Variants in PAK3 observed in about 807,000 individuals in gnomAD.
PAK3 encodes the protein serine/threonine-protein kinase PAK 3.
PAK3 carries 4 observed loss-of-function variants against 41.0 expected under a neutral mutation model. The observed-to-expected ratio is 0.10, with a 90% CI of 0.05 to 0.22. PAK3 has a LOEUF of 0.22. Ranked by LOEUF, PAK3 falls within the 10% of genes least tolerant of loss-of-function variation. PAK3 has a pLI of 1.00. For synonymous variants in PAK3, 146 were observed against 139.6 expected (o/e 1.05, Z -0.32); for missense variants, 205 against 409.9 (o/e 0.50, Z 4.32).
chrX:111,182,460 C>T (rs970231109), intron 11 of PAK3, among the ~76,000 whole-genome samples: 3 of 111,552 alleles, frequency 2.7e-5, no homozygotes, highest in South Asian at 3.7e-4. Context: ...CATCTGGCCC[C>T]AGCTACATTC....
rs376714308 is a variant in PAK3, at chrX:111,142,184, C to T, written c.264C>T (p.Thr88=). The part of the protein sequence containing the change: ...HTIHVGFDAV[T]GEFTGIPEQW... ...TTCATGTGGGGTTTGATGCAGTCAC[C>T]GGGGAATTCACTGTAAGTAAGCTCC... The change falls in exon 6 of 18, where the codon ACC becomes ACT. Residue 88 remains threonine (T), a synonymous_variant. Transcript: ENST00000372007. 55 of 1,108,491 alleles carry T rather than the reference C, an allele frequency of 5.0e-5. No homozygotes were observed. The highest frequency in any genetic ancestry group is 3.3e-4 in the East Asian group (11 of 33,382). 91.4% of individuals were successfully genotyped at this position (1,108,491 alleles called of 1,213,427 possible). A position where few individuals can be genotyped will look rare whatever the true frequency, so the allele number is the denominator to read the frequency against.
At chrX:111,046,725 A>C (rs1230661221) in intron 1 of PAK3, among the ~76,000 whole-genome samples, 1 of 111,953 alleles carries the variant, frequency 8.9e-6, no homozygotes, top group African/African-American at 3.2e-5. Flanking sequence ...GAAAAATAAG[A>C]TAGTATGTGC....
intron 1 of PAK3, among the ~76,000 whole-genome samples, chrX:110,974,913 C>A (rs968564660): frequency 1.8e-5 from 2 of 111,679 alleles, no homozygotes; most frequent in Admixed American, 1.9e-4. Flanking sequence ...TTCAACAGCA[C>A]TTCATGCTAA....
chrX:110,968,475 A>G (rs1354594290), intron 1 of PAK3, among the ~76,000 whole-genome samples: 1 of 112,654 alleles, frequency 8.9e-6, no homozygotes, highest in Non-Finnish European at 1.9e-5. Flanking sequence ...ATTTCTCTAC[A>G]TCTTTGCCAA....
At chrX:111,042,814 G>T (rs2092464289) in intron 1 of PAK3, among the ~76,000 whole-genome samples, 1 of 111,895 alleles carries the variant, frequency 8.9e-6, no homozygotes. Flanking sequence ...CACTTCCCAG[G>T]TCTTAGCAAA....
intron 1 of PAK3, among the ~76,000 whole-genome samples, chrX:111,006,487 G>A (rs1177729395): frequency 8.9e-6 from 1 of 111,822 alleles, no homozygotes; most frequent in African/African-American, 3.2e-5. Context: ...TGGGTGAGGG[G>A]TATACAGGGT....
chrX:111,037,105 C>T (rs1209285569), intron 1 of PAK3, among the ~76,000 whole-genome samples: 1 of 110,898 alleles, frequency 9.0e-6, no homozygotes, highest in African/African-American at 3.3e-5. Flanking sequence ...CCACCATGCC[C>T]GGCTAGCTTT....
rs1009881285 is a variant in PAK3, at chrX:111,226,169, T to G, written c.*5722T>G. 1 of 110,588 alleles carries G rather than the reference T, an allele frequency of 9.0e-6. No homozygotes were observed. The highest frequency in any genetic ancestry group is 2.8e-4 in the East Asian group (1 of 3,519). 9.1% of individuals were successfully genotyped at this position (110,588 alleles called of 1,213,427 possible). A position where few individuals can be genotyped will look rare whatever the true frequency, so the allele number is the denominator to read the frequency against. On this transcript the variant is annotated 3_prime_UTR_variant, in exon 18 of 18. Transcript: ENST00000372007. Reference sequence around the variant, plus strand: ...CCAGCCTCGGCAACAAGAGTGAAACTTCGTCTCCAAAAAAAAAAACTCAAG... The same window carrying G: ...CCAGCCTCGGCAACAAGAGTGAAACGTCGTCTCCAAAAAAAAAAACTCAAG...
chrX:111,076,973 G>T (rs985885252), intron 1 of PAK3, among the ~76,000 whole-genome samples: 1 of 111,183 alleles, frequency 9.0e-6, no homozygotes, highest in African/African-American at 3.3e-5. Context: ...ATTCAGTAAG[G>T]TTGCAAAATG....
chrX:111,125,179 G>A (rs1279984736), intron 5 of PAK3, among the ~76,000 whole-genome samples: 1 of 111,783 alleles, frequency 8.9e-6, no homozygotes, highest in East Asian at 2.8e-4. Flanking sequence ...TTTTTAATGG[G>A]TTTTCAGGAG....
chrX:111,072,484 C>A (rs1603107839), intron 1 of PAK3, among the ~76,000 whole-genome samples: 1 of 112,316 alleles, frequency 8.9e-6, no homozygotes, highest in Non-Finnish European at 1.9e-5. Flanking sequence ...GTCTTCAGAG[C>A]TTTCTAGAGT....
intron 1 of PAK3, among the ~76,000 whole-genome samples, chrX:111,071,590 A>G (rs1286689747): frequency 8.9e-6 from 1 of 112,316 alleles, no homozygotes. Flanking sequence ...GGTGTAAACT[A>G]TATAGCAGTT....
intron 14 of PAK3, among the ~76,000 whole-genome samples, chrX:111,194,969 C>T (rs1347428516): frequency 8.9e-6 from 1 of 111,910 alleles, no homozygotes; most frequent in Non-Finnish European, 1.9e-5. Flanking sequence ...GGGTTTCAAA[C>T]TAAATTAAAG....
At chrX:111,086,881 C>T (rs1297553461) in intron 1 of PAK3, among the ~76,000 whole-genome samples, 2 of 111,773 alleles carry the variant, frequency 1.8e-5, no homozygotes, top group East Asian at 5.6e-4. Context: ...CTCTGAGCTG[C>T]CTAGACTCTC....
chrX:111,169,230 TAC>T (rs1375038552), intron 10 of PAK3: 4 of 242,774 alleles, frequency 1.6e-5, no homozygotes, highest in African/African-American at 3.0e-5. Flanking sequence ...TCAAATACCA[TAC>T]ACACACAAAG....
At chrX:111,146,436 C>A in intron 6 of PAK3, 1 of 630,262 alleles carries the variant, frequency 1.6e-6, no homozygotes, top group Non-Finnish European at 2.6e-6. Context: ...CATTCAGACC[C>A]ATTGGTTTCA....
intron 1 of PAK3, among the ~76,000 whole-genome samples, chrX:111,027,235 A>C (rs1414674673): frequency 2.0e-5 from 2 of 102,498 alleles, no homozygotes; most frequent in Admixed American, 1.1e-4. Context: ...AAAAAAAAAA[A>C]CTCTTCTAGA....
intron 1 of PAK3, among the ~76,000 whole-genome samples, chrX:111,012,555 TAA>T (rs1295556490): frequency 8.9e-6 from 1 of 112,043 alleles, no homozygotes; most frequent in Non-Finnish European, 1.9e-5. Flanking sequence ...CTCCCTCAGA[TAA>T]AGTTTCCTTT....
chrX:111,192,699 G>A (rs1048964041), intron 13 of PAK3, 81 bp downstream of exon 13: 12 of 540,148 alleles, frequency 2.2e-5, no homozygotes, highest in Admixed American at 5.3e-5. Flanking sequence ...TTTGGGATTC[G>A]TTCATTTAAC....
Sources: allele counts gnomAD v4.1 joint callset (sites outside exome capture counted in the v4.1 genomes callset), GRCh38; gene constraint gnomAD v4.1.1; transcripts MANE v1.5; gene names NCBI Gene and HGNC (gene_info 2026-07-23, HGNC 2026-07-21).